The following FOXO3 variants were observed in gnomAD, a reference collection of about 807,000 sequenced individuals.
The protein encoded by FOXO3 is forkhead box O3.
In FOXO3, 4 loss-of-function variants were observed where a neutral mutation model predicts 41.9. The observed-to-expected ratio is 0.10, with a 90% CI of 0.05 to 0.22. The LOEUF (loss-of-function observed/expected upper bound fraction) is 0.22. Ranked by LOEUF, FOXO3 falls within the 10% of genes least tolerant of loss-of-function variation. The probability of loss-of-function intolerance (pLI) is 1.00; values close to 1 mark genes in which losing one functional copy is unlikely to be tolerated. For missense variants in FOXO3, 534 were observed against 906.8 expected, an observed-to-expected ratio of 0.59 and a Z score of 5.28; for synonymous variants, 318 against 389.3, an observed-to-expected ratio of 0.82 and a Z score of 2.16.
Position 108,684,055 on chromosome 6 carries a change from T to C in FOXO3, c.*4263T>C, listed in dbSNP as rs1342426138. ...GGAATATTTTCCTCTTGTTTAGTTG[T>C]ATCTGTTTGTATTTTTCTTTGATGA... On this transcript the variant is annotated 3_prime_UTR_variant, in exon 3 of 3. Transcript: ENST00000406360. The C allele has an allele frequency of 1.3e-5, 2 of 152,670 alleles. No individual in the cohort carries two copies. Among genetic ancestry groups the C allele is most frequent in the Non-Finnish European group, 2.9e-5 (2 of 68,042 alleles). 9.5% of individuals were successfully genotyped at this position (152,670 alleles called of 1,614,324 possible).
intron 1 of FOXO3, among the ~76,000 whole-genome samples, chr6:108,599,615 C>T (rs1776987083): frequency 6.6e-6 from 1 of 152,316 alleles, no homozygotes; most frequent in East Asian, 1.9e-4. Context: ...GTGCCAACTT[C>T]TGACTGCAAA....
intron 1 of FOXO3, among the ~76,000 whole-genome samples, chr6:108,607,674 T>G (rs1383742585): frequency 6.6e-6 from 1 of 152,226 alleles, no homozygotes; most frequent in Non-Finnish European, 1.5e-5. Context: ...TCCTAATTTT[T>G]CTGCCAGCTG....
rs561678304 is a variant in FOXO3, at chr6:108,589,378, C to T, written c.621+27549C>T. On this transcript the variant is annotated intron_variant, in intron 1 of 2. Transcript: ENST00000406360. ...TGGGCTACACAGACACAAGCACAAC[C>T]CGAATCTTTGTTTACTTCCTCTCCA... Among the ~76,000 whole-genome samples, 9 of 152,282 alleles carry T rather than the reference C, an allele frequency of 5.9e-5. No homozygotes were observed. The South Asian group carries it at 1.5e-3, about 25-fold the overall frequency.
intron 1 of FOXO3, among the ~76,000 whole-genome samples, chr6:108,563,046 T>C (rs1373081159): frequency 6.6e-6 from 1 of 152,206 alleles, no homozygotes; most frequent in Non-Finnish European, 1.5e-5. Flanking sequence ...CCTCCTTCCC[T>C]TTCTTCATTG....
chr6:108,660,424 C>T (rs1778810184), intron 1 of FOXO3, among the ~76,000 whole-genome samples: 1 of 152,230 alleles, frequency 6.6e-6, no homozygotes, highest in Non-Finnish European at 1.5e-5. Context: ...TTATGTTCTT[C>T]TCTCAAACGC....
intron 1 of FOXO3, among the ~76,000 whole-genome samples, chr6:108,575,901 AAAT>A (rs1776248631): frequency 6.6e-6 from 1 of 152,206 alleles, no homozygotes; most frequent in Non-Finnish European, 1.5e-5. Context: ...AATTTCTTTA[AAAT>A]AATAATGATC....
chr6:108,646,213 A>T (rs989240590), intron 1 of FOXO3, among the ~76,000 whole-genome samples: 1 of 152,214 alleles, frequency 6.6e-6, no homozygotes, highest in Non-Finnish European at 1.5e-5. Context: ...ATAGTCTTGC[A>T]TGGAACTCTT....
chr6:108,618,125 A>G (rs1777567522), intron 1 of FOXO3: 4 of 845,264 alleles, frequency 4.7e-6, no homozygotes, highest in South Asian at 3.9e-5. Context: ...GATCTGCCTC[A>G]TGGACAATCC....
intron 1 of FOXO3, 40 bp from the exon 2 acceptor site, chr6:108,663,415 C>T: frequency 6.5e-7 from 1 of 1,541,998 alleles, no homozygotes; most frequent in South Asian, 1.3e-5. Flanking sequence ...GGTTTTGGAC[C>T]ATTCTGGTTC....
At chr6:108,583,788 C>A (rs1286468534) in intron 1 of FOXO3, among the ~76,000 whole-genome samples, 4 of 152,136 alleles carry the variant, frequency 2.6e-5, no homozygotes. Context: ...AGTCTCATTG[C>A]CGATTATTGA....
intron 1 of FOXO3, among the ~76,000 whole-genome samples, chr6:108,573,544 T>A (rs1776170116): frequency 6.6e-6 from 1 of 152,104 alleles, no homozygotes; most frequent in African/African-American, 2.4e-5. Context: ...CTTTTAAGAA[T>A]TAGCTGGGCA....
chr6:108,605,118 CTT>C (rs1777158943), intron 1 of FOXO3, among the ~76,000 whole-genome samples: 1 of 150,246 alleles, frequency 6.7e-6, no homozygotes. Context: ...CTAATACTAA[CTT>C]TTCTTTTTTT....
At chr6:108,643,836 G>A (rs10457180) in intron 1 of FOXO3, among the ~76,000 whole-genome samples, 80,499 of 152,080 alleles carry the variant, frequency 0.53, 25,437 homozygotes, top group East Asian at 0.69. Context: ...TTGCCCCTCA[G>A]ATCATCTTTA....
intron 1 of FOXO3, among the ~76,000 whole-genome samples, chr6:108,601,720 A>G (rs1235214964): frequency 3.3e-5 from 5 of 152,250 alleles, no homozygotes; most frequent in Non-Finnish European, 4.4e-5. Flanking sequence ...AGAATGTTAC[A>G]TAAGTGATCA....
chr6:108,590,246 C>T (rs1776697669), intron 1 of FOXO3, among the ~76,000 whole-genome samples: 1 of 151,920 alleles, frequency 6.6e-6, no homozygotes, highest in Admixed American at 6.6e-5. Flanking sequence ...ACCTCAGCCT[C>T]CTGAGTAGTT....
upstream of FOXO3, chr6:108,559,894 G>C (rs1015093477): frequency 6.6e-6 from 1 of 152,252 alleles, no homozygotes; most frequent in African/African-American, 2.4e-5. Context: ...TCCTCGGGCG[G>C]GCTGCGGCGA....
At chr6:108,564,938 A>G (rs2128355228) in intron 1 of FOXO3, among the ~76,000 whole-genome samples, 1 of 152,296 alleles carries the variant, frequency 6.6e-6, no homozygotes, top group South Asian at 2.1e-4. Flanking sequence ...TAGTTAGTAG[A>G]GAGGTAATTA....
At position 108,664,804 on chromosome 6, in the gene FOXO3, G is replaced by A. The variant is rs1044115208; in HGVS notation, c.1971G>A (p.Gly657=). Residue 657 remains glycine (G), a synonymous_variant, in exon 2 of 3, where the codon GGG becomes GGA. Coordinates refer to ENST00000406360, the MANE Select transcript of FOXO3 (RefSeq NM_001455.4). ...AGAATGTTGTTGGTTTGAACGTGGG[G>A]AACTTCACTGGTGCTAAGCAGGCCT... ...STQNVVGLNV[G]NFTGAKQASS... 12 of 1,494,174 alleles carry A rather than the reference G, an allele frequency of 8.0e-6. No individual in the cohort carries two copies. Among genetic ancestry groups the A allele is most frequent in the Admixed American group, 6.7e-5 (3 of 44,490 alleles). 92.6% of individuals were successfully genotyped at this position (1,494,174 alleles called of 1,614,324 possible).
chr6:108,653,708 G>GGAT (rs1247136052), intron 1 of FOXO3, among the ~76,000 whole-genome samples: 1 of 152,156 alleles, frequency 6.6e-6, no homozygotes, highest in East Asian at 1.9e-4. Context: ...CCTGAGTTCT[G>GGAT]GATGCATGTT....
Sources: allele counts gnomAD v4.1 joint callset (sites outside exome capture counted in the v4.1 genomes callset), GRCh38; gene constraint gnomAD v4.1.1; transcripts MANE v1.5; gene names NCBI Gene and HGNC (gene_info 2026-07-23, HGNC 2026-07-21).